TMCC1: variants seen among roughly 807,000 people sequenced by gnomAD.
TMCC1 encodes the protein transmembrane and coiled-coil domain family 1.
In TMCC1, 15 loss-of-function variants were observed where a neutral mutation model predicts 52.4. The ratio of observed to expected loss-of-function variants is 0.29; its 90% CI spans 0.19 to 0.44. The LOEUF (loss-of-function observed/expected upper bound fraction) is 0.44. Ranked by LOEUF, TMCC1 falls within the 20% of genes least tolerant of loss-of-function variation. The pLI is 1.00. For missense variants in TMCC1, 503 were observed against 806.0 expected (o/e 0.62, Z 4.55); for synonymous variants, 279 against 301.9 (o/e 0.92, Z 0.79).
rs1278651610 is a variant in TMCC1, at chr3:129,670,480, A to C, written c.1361T>G (p.Met454Arg). 6.2e-7 allele frequency: 1 copy of C among 1,614,050 alleles called. No individual in the cohort carries two copies. Among genetic ancestry groups the C allele is most frequent in the African/African-American group, 1.3e-5 (1 of 74,906 alleles). Residue 454 changes from methionine to arginine, a missense_variant, in exon 5 of 7, where the codon ATG becomes AGG. This residue lies in a region of TMCC1 where 121 missense variants were observed against 193.6 expected (regional missense o/e 0.62). Transcript: ENST00000393238. ...TAGTGCATCAAATCCTGAGCTCTGC[A>C]TGTCCAGGGTGTTTGTTTTGGAGCT... ...ASSSKTNTLD[M>R]QSSGFDALLH...
At chr3:129,805,745 C>T (rs1022150437) in intron 4 of TMCC1, among the ~76,000 whole-genome samples, 4 of 151,754 alleles carry the variant, frequency 2.6e-5, no homozygotes, top group Non-Finnish European at 5.9e-5. Flanking sequence ...CCAGACTGGG[C>T]CACATAGCGA....
intron 2 of TMCC1, among the ~76,000 whole-genome samples, chr3:129,874,788 T>C (rs1253655511): frequency 6.6e-6 from 1 of 152,038 alleles, no homozygotes; most frequent in Non-Finnish European, 1.5e-5. Flanking sequence ...GCCCAGCAGT[T>C]TGAAGTTGCA....
chr3:129,734,030 A>G (rs1018190583), intron 4 of TMCC1, among the ~76,000 whole-genome samples: 8 of 152,210 alleles, frequency 5.3e-5, no homozygotes, highest in Non-Finnish European at 7.3e-5. Flanking sequence ...AATATACTGT[A>G]TAACCCAGTA....
chr3:129,783,482 T>C (rs1187421512), intron 4 of TMCC1, among the ~76,000 whole-genome samples: 3 of 152,032 alleles, frequency 2.0e-5, no homozygotes, highest in Non-Finnish European at 4.4e-5. Flanking sequence ...TTATTAAATG[T>C]GGTAGATTAT....
Position 129,681,319 on chromosome 3 carries a change from A to G in TMCC1, c.577-10055T>C, listed in dbSNP as rs191611777. ...AAAAATTCTACATATTTTATAAAGC[A>G]GTAAATAATATAGTTTGGTCAATAT... On this transcript the variant is annotated intron_variant, in intron 4 of 6. Coordinates refer to ENST00000393238, the MANE Select transcript of TMCC1 (RefSeq NM_001017395.5). Among the ~76,000 whole-genome samples the G allele has an allele frequency of 2.4e-3, 369 of 152,340 alleles. 5 individuals are homozygous for G. The highest frequency in any genetic ancestry group is 8.2e-3 in the African/African-American group (340 of 41,560).
chr3:129,882,836 G>A (rs1270968988), intron 1 of TMCC1, among the ~76,000 whole-genome samples: 1 of 152,160 alleles, frequency 6.6e-6, no homozygotes, highest in African/African-American at 2.4e-5. Flanking sequence ...TTCAAAGACA[G>A]TAGAATAGTG....
At chr3:129,682,985 G>A (rs1474101326) in intron 4 of TMCC1, among the ~76,000 whole-genome samples, 2 of 152,148 alleles carry the variant, frequency 1.3e-5, no homozygotes, top group Admixed American at 6.5e-5. Context: ...ACAGGCATGC[G>A]CCACCATGCC....
chr3:129,772,672 G>A (rs1237536793), intron 4 of TMCC1, among the ~76,000 whole-genome samples: 1 of 143,230 alleles, frequency 7.0e-6, no homozygotes, highest in African/African-American at 2.6e-5. Context: ...GCAGTGAGCC[G>A]AGATCGTGCC....
At chr3:129,710,233 A>G (rs1240001932) in intron 4 of TMCC1, among the ~76,000 whole-genome samples, 1 of 152,178 alleles carries the variant, frequency 6.6e-6, no homozygotes, top group Middle Eastern at 3.2e-3. Context: ...TGTAAGTACT[A>G]AAAAGATCTG....
chr3:129,842,740 A>G (rs1242402292), intron 2 of TMCC1, among the ~76,000 whole-genome samples: 1 of 152,234 alleles, frequency 6.6e-6, no homozygotes, highest in East Asian at 1.9e-4. Flanking sequence ...ATAACAAAAT[A>G]TATTAGGAAA....
At position 129,773,872 on chromosome 3, in the gene TMCC1, G is replaced by A. The variant is rs567348674; in HGVS notation, c.576+53931C>T. 3.8e-4 allele frequency among the ~76,000 whole-genome samples: 58 copies of A among 152,290 alleles called. 1 individual carries two copies. The South Asian group carries it at 0.011, about 30-fold the overall frequency. On this transcript the variant is annotated intron_variant, in intron 4 of 6. Transcript: ENST00000393238. ...GGTGGGAGATCACTTGAGCTCAGGA[G>A]TTGGAGGTGGCAGTGAGCCATGATT...
At chr3:129,779,431 C>T (rs1343513778) in intron 4 of TMCC1, among the ~76,000 whole-genome samples, 1 of 152,140 alleles carries the variant, frequency 6.6e-6, no homozygotes, top group African/African-American at 2.4e-5. Flanking sequence ...TCTGTATTTA[C>T]TATTTCACTA....
chr3:129,770,540 T>C (rs564277383), intron 4 of TMCC1, among the ~76,000 whole-genome samples: 1 of 151,770 alleles, frequency 6.6e-6, no homozygotes, highest in South Asian at 2.1e-4. Flanking sequence ...ATCACACCAC[T>C]GTACTCCAGC....
intron 2 of TMCC1, among the ~76,000 whole-genome samples, chr3:129,846,421 C>A (rs1333090959): frequency 6.6e-6 from 1 of 152,172 alleles, no homozygotes; most frequent in East Asian, 1.9e-4. Flanking sequence ...TCCTTCACTG[C>A]AGGTCATTTG....
intron 4 of TMCC1, among the ~76,000 whole-genome samples, chr3:129,737,396 C>T (rs147539928): frequency 1.4e-3 from 209 of 152,028 alleles, no homozygotes; most frequent in Middle Eastern, 6.8e-3. Context: ...CAGAGAATTG[C>T]TTGAACCCAG....
intron 4 of TMCC1, among the ~76,000 whole-genome samples, chr3:129,683,393 G>A (rs1360104334): frequency 6.6e-6 from 1 of 152,094 alleles, no homozygotes; most frequent in Non-Finnish European, 1.5e-5. Context: ...AGTGAGGCAG[G>A]CACTATTCTA....
chr3:129,689,846 AATTTG>A (rs2089664792), intron 4 of TMCC1, among the ~76,000 whole-genome samples: 1 of 152,206 alleles, frequency 6.6e-6, no homozygotes, highest in Non-Finnish European at 1.5e-5. Context: ...ATTAATAAAG[AATTTG>A]ATTTAATAGA....
intron 4 of TMCC1, among the ~76,000 whole-genome samples, chr3:129,810,233 G>A (rs983255324): frequency 6.6e-5 from 10 of 151,938 alleles, no homozygotes; most frequent in African/African-American, 1.7e-4. Flanking sequence ...TGGCGGGCAC[G>A]TGTAGTCCCA....
chr3:129,670,184 G>T (rs2087800914), intron 5 of TMCC1, 146 bp downstream of exon 5: 1 of 763,280 alleles, frequency 1.3e-6, no homozygotes, highest in African/African-American at 1.7e-5. Context: ...TGCTTCATCA[G>T]GAACTCATGT....
Sources: gnomAD v4.1 joint callset for allele counts (sites outside exome capture counted in the v4.1 genomes callset) on GRCh38, gnomAD v4.1.1 for gene constraint, gnomAD v4.1.1 regional missense constraint, MANE v1.5 for transcripts, NCBI Gene and HGNC (gene_info 2026-07-23, HGNC 2026-07-21) for gene names.